Variants in MRPL22 observed in about 807,000 individuals in gnomAD.
MRPL22 encodes the protein large ribosomal subunit protein uL22m.
Under a neutral mutation model 32.4 loss-of-function variants are expected in MRPL22, and 27 were observed. That is an observed-to-expected ratio of 0.83 (90% CI 0.61 to 1.15). The LOEUF is 1.15. MRPL22 is among the 50% of genes most tolerant of loss of function. MRPL22 has a pLI of 0.00. For synonymous variants in MRPL22, 86 were observed against 87.3 expected, an observed-to-expected ratio of 0.99 and a Z score of 0.08; for missense variants, 239 against 260.2, an observed-to-expected ratio of 0.92 and a Z score of 0.56.
At chr5:154,956,509 C>A in intron 4 of MRPL22, 73 bp downstream of exon 4, 2 of 957,772 alleles carry the variant, frequency 2.1e-6, no homozygotes, top group South Asian at 1.5e-5. Context: ...CCCCACCCCT[C>A]ACCCCAGGAT....
intron 6 of MRPL22, among the ~76,000 whole-genome samples, chr5:154,963,238 C>T (rs920752942): frequency 2.6e-5 from 4 of 152,154 alleles, no homozygotes; most frequent in Admixed American, 1.3e-4. Context: ...TGTGCCTGCC[C>T]TGAAAATATT....
intron 3 of MRPL22, 148 bp from the exon 4 acceptor site, chr5:154,956,223 T>A (rs1302967086): frequency 1.6e-6 from 1 of 630,616 alleles, no homozygotes; most frequent in Non-Finnish European, 2.8e-6. Context: ...GAAAATAATC[T>A]CTAAATTCTT....
intron 4 of MRPL22, 163 bp downstream of exon 4, chr5:154,956,599 T>C: frequency 1.8e-6 from 1 of 568,914 alleles, no homozygotes; most frequent in Non-Finnish European, 3.1e-6. Context: ...AGATGTATGA[T>C]TTTCCTTAAT....
chr5:154,942,350 T>G (rs1005631889), intron 2 of MRPL22, among the ~76,000 whole-genome samples: 5 of 152,224 alleles, frequency 3.3e-5, no homozygotes, highest in Non-Finnish European at 7.3e-5. Flanking sequence ...GCCATTAATG[T>G]TTTTATTATT....
At chr5:154,946,754 G>C (rs1024032850) in intron 2 of MRPL22, among the ~76,000 whole-genome samples, 6 of 152,212 alleles carry the variant, frequency 3.9e-5, no homozygotes, top group Admixed American at 6.5e-5. Flanking sequence ...CCAGGAGGCG[G>C]AGGTTGCAGT....
chr5:154,961,862 T>C (rs1317668496), intron 6 of MRPL22, among the ~76,000 whole-genome samples: 1 of 152,044 alleles, frequency 6.6e-6, no homozygotes, highest in Non-Finnish European at 1.5e-5. Flanking sequence ...AATTTTAAAA[T>C]TTTTTGTAGA....
chr5:154,941,109 A>G lies in MRPL22; in HGVS notation c.-2A>G, dbSNP rs1044071127. The G allele has an allele frequency of 2.2e-5, 35 of 1,613,758 alleles. No homozygotes were observed. Among genetic ancestry groups the G allele is most frequent in the Non-Finnish European group, 3.0e-5 (35 of 1,180,034 alleles). ...GCGGCTTCCGTAGCGGGAGGGCGAA[A>G]GATGGCGGCGGCAGTACTGGGACAG... On this transcript the variant is annotated 5_prime_UTR_variant, in exon 1 of 7. Transcript: ENST00000523037.
At position 154,953,704 on chromosome 5, in the gene MRPL22, T is replaced by TG. The variant is rs1764596076; in HGVS notation, c.196-2666dup. On this transcript the variant is annotated intron_variant, in intron 3 of 6. Coordinates refer to ENST00000523037, the MANE Select transcript of MRPL22 (RefSeq NM_014180.4). ...AACTTTTTTTTTTTTTTTTTTTTTT[T>TG]GAGACAGGGTCTAGCTCTGTTGCCC... 2.3e-5 allele frequency among the ~76,000 whole-genome samples: 3 copies of TG among 130,274 alleles called. No homozygotes were observed. In the South Asian group the frequency reaches 7.1e-4, roughly 31 times the overall value. The allele number at this position is 130,274 out of a possible 152,430, so 85.5% of individuals were successfully genotyped here.
chr5:154,956,548 T>C lies in MRPL22; in HGVS notation c.261+112T>C. ...AAAAATAAAAAAGATTTGTGAGGAA[T>C]GTGATATAATTGGTAGGTTGTCAAA... On this transcript the variant is annotated intron_variant, in intron 4 of 6. Transcript: ENST00000523037. The C allele has an allele frequency of 4.4e-6, 3 of 686,308 alleles. No homozygotes were observed. The South Asian group carries it at 5.6e-5, about 13-fold the overall frequency. 42.5% of individuals were successfully genotyped at this position (686,308 alleles called of 1,614,324 possible).
intron 6 of MRPL22, among the ~76,000 whole-genome samples, chr5:154,966,262 T>C (rs1582696921): frequency 6.6e-6 from 1 of 152,334 alleles, no homozygotes; most frequent in South Asian, 2.1e-4. Context: ...TGTCCCTAGA[T>C]ATTCAAATAG....
intron 3 of MRPL22, 127 bp downstream of exon 3, chr5:154,951,065 G>A (rs1764554785): frequency 4.5e-6 from 3 of 659,918 alleles, no homozygotes; most frequent in Non-Finnish European, 7.8e-6. Context: ...CAGAGAAGAT[G>A]TACTAGATTT....
intron 2 of MRPL22, among the ~76,000 whole-genome samples, chr5:154,944,872 A>AG (rs1764467014): frequency 6.6e-6 from 1 of 152,248 alleles, no homozygotes; most frequent in African/African-American, 2.4e-5. Flanking sequence ...CAGATAGAAT[A>AG]GTAAGTGCAA....
intron 2 of MRPL22, 120 bp downstream of exon 2, chr5:154,941,385 G>A: frequency 8.5e-7 from 1 of 1,182,798 alleles, no homozygotes; most frequent in Non-Finnish European, 1.2e-6. Flanking sequence ...TGAGGCGAAT[G>A]AGACAGCCCG....
At chr5:154,941,463 C>T (rs1764414535) in intron 2 of MRPL22, among the ~76,000 whole-genome samples, 198 bp downstream of exon 2, 1 of 152,098 alleles carries the variant, frequency 6.6e-6, no homozygotes, top group African/African-American at 2.4e-5. Context: ...TCAGGATTAC[C>T]CATAACCCAA....
At position 154,941,091 on chromosome 5, in the gene MRPL22, C is replaced by T. The variant is rs779499861; in HGVS notation, c.-20C>T. The T allele has an allele frequency of 9.9e-6, 16 of 1,613,474 alleles. No individual in the cohort carries two copies. Among genetic ancestry groups the T allele is most frequent in the Non-Finnish European group, 1.2e-5 (14 of 1,179,982 alleles). On this transcript the variant is annotated 5_prime_UTR_variant, in exon 1 of 7. Transcript: ENST00000523037. ...AGAAGGCGCTTGAACTCGGCGGCTT[C>T]CGTAGCGGGAGGGCGAAAGATGGCG...
intron 2 of MRPL22, among the ~76,000 whole-genome samples, chr5:154,946,496 A>G (rs181718511): frequency 6.6e-6 from 1 of 152,232 alleles, no homozygotes; most frequent in East Asian, 1.9e-4. Context: ...CAAAGGGCCT[A>G]ACTTTGTTTT....
intron 3 of MRPL22, chr5:154,955,397 A>T (rs928019219): frequency 6.6e-6 from 1 of 152,178 alleles, no homozygotes; most frequent in Non-Finnish European, 1.5e-5. Context: ...CATGTTTTCT[A>T]ATTTTTTTTT....
At chr5:154,960,773 A>T (rs1022706069) in intron 6 of MRPL22, among the ~76,000 whole-genome samples, 12 of 152,198 alleles carry the variant, frequency 7.9e-5, no homozygotes, top group Non-Finnish European at 7.3e-5. Context: ...CCTCCTCCCA[A>T]CACCATGGGA....
rs1582697418 is a variant in MRPL22 at position 154,966,984 on chromosome 5, T to C, written c.*87T>C. The C allele has an allele frequency of 1.5e-6, 2 of 1,309,766 alleles. No homozygotes were observed. Among genetic ancestry groups the C allele is most frequent in the East Asian group, 5.1e-5 (2 of 39,596 alleles). The allele number at this position is 1,309,766 out of a possible 1,614,324, so 81.1% of individuals were successfully genotyped here. ...AATTGAAGGCAAATGCTTTTTATGA[T>C]TTCTCATTGAATTATTGAAACAGTG... On this transcript the variant is annotated 3_prime_UTR_variant, in exon 7 of 7. Transcript: ENST00000523037.
Sources: allele counts gnomAD v4.1 joint callset (sites outside exome capture counted in the v4.1 genomes callset), GRCh38; gene constraint gnomAD v4.1.1; transcripts MANE v1.5; gene names NCBI Gene and HGNC (gene_info 2026-07-23, HGNC 2026-07-21).